The following BCAS3 variants were observed in gnomAD, a reference collection of about 807,000 sequenced individuals.
BCAS3 encodes the protein BCAS4/BCAS3 fusion.
In BCAS3, 53 loss-of-function variants were observed where a neutral mutation model predicts 116.1. The ratio of observed to expected loss-of-function variants is 0.46; its 90% CI spans 0.37 to 0.57. The LOEUF (loss-of-function observed/expected upper bound fraction) is 0.57, where lower values mean the gene tolerates loss of function less well. BCAS3 is among the 20% of genes least tolerant of loss of function. BCAS3 has a pLI of 0.00. For missense variants in BCAS3, 917 were observed against 1,165.4 expected, an observed-to-expected ratio of 0.79 and a Z score of 3.10; for synonymous variants, 391 against 408.2, an observed-to-expected ratio of 0.96 and a Z score of 0.51.
At chr17:60,820,707 G>T (rs1415780047) in intron 7 of BCAS3, among the ~76,000 whole-genome samples, 1 of 152,106 alleles carries the variant, frequency 6.6e-6, no homozygotes, top group Non-Finnish European at 1.5e-5. Flanking sequence ...TGCCCTGATG[G>T]AATGGGGGTA....
intron 22 of BCAS3, among the ~76,000 whole-genome samples, chr17:61,147,304 G>A (rs1280253392): frequency 6.6e-6 from 1 of 151,716 alleles, no homozygotes; most frequent in African/African-American, 2.4e-5. Context: ...TCAAACTCCT[G>A]ACCTCAGGTA....
At chr17:60,799,574 G>A (rs2047547062) in intron 6 of BCAS3, among the ~76,000 whole-genome samples, 1 of 135,082 alleles carries the variant, frequency 7.4e-6, no homozygotes, top group Admixed American at 7.7e-5. Context: ...TGTCACCCAG[G>A]CTGGAGTGCA....
At chr17:60,842,395 T>C (rs1329899979) in intron 7 of BCAS3, among the ~76,000 whole-genome samples, 3 of 152,160 alleles carry the variant, frequency 2.0e-5, no homozygotes, top group African/African-American at 4.8e-5. Context: ...CTACATAACG[T>C]ATCAAAAAAT....
At chr17:61,178,956 C>T (rs1215100308) in intron 22 of BCAS3, among the ~76,000 whole-genome samples, 1 of 151,960 alleles carries the variant, frequency 6.6e-6, no homozygotes, top group East Asian at 1.9e-4. Context: ...AAAAATGATA[C>T]GATGTTTTCC....
rs1318139376 is a variant in BCAS3 at position 61,344,662 on chromosome 17, G to A, written c.2426-23665G>A. ...ATCAGAAAAGGCTTCCCAGAAGTTC[G>A]ATTTAAGCTGCAGTTGAGGGATGAG... On this transcript the variant is annotated intron_variant, in intron 22 of 23. Transcript: ENST00000407086. This position sits in a 1 kb window ranked among gnomAD's most constrained non-coding sequence, Gnocchi z 4.1. Among the ~76,000 whole-genome samples the A allele has an allele frequency of 4.6e-5, 7 of 152,146 alleles. No homozygotes were observed. Among genetic ancestry groups the A allele is most frequent in the Admixed American group, 1.3e-4 (2 of 15,274 alleles).
chr17:61,375,753 A>T (rs2059308328), intron 23 of BCAS3, among the ~76,000 whole-genome samples: 1 of 151,914 alleles, frequency 6.6e-6, no homozygotes, highest in South Asian at 2.1e-4. Context: ...TTGAATTTTT[A>T]GTAGAGACAG....
intron 22 of BCAS3, among the ~76,000 whole-genome samples, chr17:61,358,553 G>A (rs966162022): frequency 4.0e-5 from 6 of 148,322 alleles, no homozygotes; most frequent in Non-Finnish European, 7.4e-5. Context: ...CCAGGCTGGA[G>A]TGCAGTGCCA....
At chr17:60,988,202 G>A (rs1053787621) in intron 14 of BCAS3, among the ~76,000 whole-genome samples, 8 of 150,680 alleles carry the variant, frequency 5.3e-5, no homozygotes, top group African/African-American at 1.7e-4. Flanking sequence ...TTTTTGATGT[G>A]TTGTTGAATT....
chr17:60,787,922 T>C lies in BCAS3; in HGVS notation c.404-20082T>C, dbSNP rs1483364153. ...GTCAAGGACATGAATAGTACCTTTT[T>C]TTTTTTTTAACTAGAAAAGTTAAAA... On this transcript the variant is annotated intron_variant, in intron 6 of 23. Transcript: ENST00000407086. 2.0e-5 allele frequency among the ~76,000 whole-genome samples: 3 copies of C among 152,044 alleles called. No homozygotes were observed. The East Asian group carries it at 5.8e-4, about 29-fold the overall frequency.
intron 22 of BCAS3, among the ~76,000 whole-genome samples, chr17:61,170,711 T>C (rs1440493755): frequency 1.3e-5 from 2 of 151,998 alleles, no homozygotes; most frequent in Non-Finnish European, 2.9e-5. Context: ...CTGGTACATA[T>C]TGAAGGAAGG....
At chr17:61,216,825 A>G (rs1451844477) in intron 22 of BCAS3, among the ~76,000 whole-genome samples, 1 of 151,766 alleles carries the variant, frequency 6.6e-6, no homozygotes, top group Non-Finnish European at 1.5e-5. Context: ...TACAGGCATG[A>G]GCCACCGTGC....
At chr17:60,682,156 G>A (rs1199917662) in intron 2 of BCAS3, among the ~76,000 whole-genome samples, 1 of 152,210 alleles carries the variant, frequency 6.6e-6, no homozygotes, top group Non-Finnish European at 1.5e-5. Flanking sequence ...AGTGACAAAG[G>A]AGAATACATA....
rs1261746968 is a variant in BCAS3 at position 61,327,510 on chromosome 17, ATT to A, written c.2426-40805_2426-40804del. Among the ~76,000 whole-genome samples the A allele has an allele frequency of 1.4e-5, 2 of 145,534 alleles. No individual in the cohort carries two copies. Among genetic ancestry groups the A allele is most frequent in the Non-Finnish European group, 3.0e-5 (2 of 65,784 alleles). On this transcript the variant is annotated intron_variant, in intron 22 of 23. Coordinates refer to ENST00000407086, the MANE Select transcript of BCAS3 (RefSeq NM_017679.5). This position sits in a 1 kb window ranked among gnomAD's most constrained non-coding sequence, Gnocchi z 5.9. Reference sequence around the variant, plus strand: ...GGGAGCAAATAGAAAATGAAGCAAAATTTTTTTTTTTTTAGACAGAGTCTCAC... The same window carrying A: ...GGGAGCAAATAGAAAATGAAGCAAAATTTTTTTTTTTAGACAGAGTCTCAC...
At position 60,990,117 on chromosome 17, in the gene BCAS3, C is replaced by G. The variant is rs1231484928; in HGVS notation, c.1368C>G (p.Ser456Arg). ...CACCACGAGTAGTGAATCGCATGAG[C>G]CGTTTCCAGAAAAGTGCTGGACTGG... ...HMSPRVVNRMSRFQKSAGLEE... is the reference protein window; with the variant it reads ...HMSPRVVNRMRRFQKSAGLEE... The change falls in exon 15 of 24, where the codon AGC (serine) becomes AGG (arginine). Residue 456 changes from serine to arginine, a missense_variant. By Grantham distance (110) the Ser-to-Arg change is moderately radical. Transcript: ENST00000407086. This position sits in a 1 kb window ranked among gnomAD's most constrained non-coding sequence, Gnocchi z 5.1. 1 of 1,614,134 alleles carries G rather than the reference C, an allele frequency of 6.2e-7. No homozygotes were observed. The highest frequency in any genetic ancestry group is 1.7e-5 in the Admixed American group (1 of 60,006).
rs1192946436 is a variant in BCAS3 at position 61,316,899 on chromosome 17, T to C, written c.2426-51428T>C. 1.3e-5 allele frequency among the ~76,000 whole-genome samples: 2 copies of C among 152,212 alleles called. No individual in the cohort carries two copies. Among genetic ancestry groups the C allele is most frequent in the Non-Finnish European group, 2.9e-5 (2 of 68,042 alleles). On this transcript the variant is annotated intron_variant, in intron 22 of 23. Coordinates refer to ENST00000407086, the MANE Select transcript of BCAS3 (RefSeq NM_017679.5). This position sits in a 1 kb window ranked among gnomAD's most constrained non-coding sequence, Gnocchi z 5.8. ...AGGAATTCCTCGTGTATTTGATCGA[T>C]TTGTGCAAGAGGCTAACTCCAGCCA... is the stretch of plus-strand genomic sequence containing the variant.
At chr17:61,067,128 CTCT>C (rs1171144834) in intron 19 of BCAS3, among the ~76,000 whole-genome samples, 2 of 150,604 alleles carry the variant, frequency 1.3e-5, no homozygotes, top group African/African-American at 4.9e-5. Context: ...AAAAATAGAA[CTCT>C]TCTAAGATTT....
At chr17:60,708,120 T>G (rs2037402596) in intron 4 of BCAS3, among the ~76,000 whole-genome samples, 1 of 151,958 alleles carries the variant, frequency 6.6e-6, no homozygotes, top group Non-Finnish European at 1.5e-5. Flanking sequence ...GCTCAGGAGT[T>G]TGAGACCAGC....
At chr17:61,099,795 A>C (rs556138251) in intron 22 of BCAS3, among the ~76,000 whole-genome samples, 15 of 152,318 alleles carry the variant, frequency 9.8e-5, no homozygotes, top group Non-Finnish European at 1.6e-4. Context: ...TGCTCTTACT[A>C]GGCTAACTTT....
chr17:61,356,691 G>C lies in BCAS3; in HGVS notation c.2426-11636G>C, dbSNP rs1258812393. 6.6e-6 allele frequency among the ~76,000 whole-genome samples: 1 copy of C among 152,162 alleles called. No homozygotes were observed. The highest frequency in any genetic ancestry group is 1.5e-5 in the Non-Finnish European group (1 of 68,030). ...ACAAAGAGGACAGGTAAAGGGACTT[G>C]ATTTTAAAATCAACTCCTTCCAGAG... On this transcript the variant is annotated intron_variant, in intron 22 of 23. Transcript: ENST00000407086. This position sits in a 1 kb window ranked among gnomAD's most constrained non-coding sequence, Gnocchi z 5.4.
Sources: gnomAD v4.1 joint callset for allele counts (sites outside exome capture counted in the v4.1 genomes callset) on GRCh38, gnomAD v4.1.1 for gene constraint, Gnocchi (gnomAD v3.1) non-coding constraint, MANE v1.5 for transcripts, NCBI Gene and HGNC (gene_info 2026-07-23, HGNC 2026-07-21) for gene names.